The following PDE1C variants were observed in gnomAD, a reference collection of about 807,000 sequenced individuals.
PDE1C encodes dual specificity calcium/calmodulin-dependent 3',5'-cyclic nucleotide phosphodiesterase 1C.
A neutral mutation model predicts 93.1 loss-of-function variants in PDE1C; 62 were observed. That is an observed-to-expected ratio of 0.67 (90% CI 0.54 to 0.82). The LOEUF is 0.82. PDE1C is among the 40% of genes least tolerant of loss of function. PDE1C has a pLI of 0.00. For missense variants in PDE1C, 742 were observed against 884.6 expected (o/e 0.84, Z 2.04); for synonymous variants, 325 against 310.1 (o/e 1.05, Z -0.50).
chr7:32,056,499 T>A (rs1314667719), intron 1 of PDE1C, among the ~76,000 whole-genome samples: 1 of 152,044 alleles, frequency 6.6e-6, no homozygotes, highest in Non-Finnish European at 1.5e-5. Flanking sequence ...CTTCTCCAAC[T>A]TATTGTGTCC....
chr7:32,052,582 CT>C (rs1210745036), intron 1 of PDE1C, among the ~76,000 whole-genome samples: 2 of 152,154 alleles, frequency 1.3e-5, no homozygotes, highest in East Asian at 3.9e-4. Flanking sequence ...CCCAGTTGAC[CT>C]TAGTTCCACA....
At chr7:31,808,116 C>A in intron 16 of PDE1C, 1 of 414,172 alleles carries the variant, frequency 2.4e-6, no homozygotes, top group Non-Finnish European at 4.6e-6. Context: ...AATAGATGTG[C>A]AAAGAATTAC....
the PDE1C span, among the ~76,000 whole-genome samples, chr7:31,659,642 G>T: frequency 6.6e-6 from 1 of 152,112 alleles, no homozygotes; most frequent in South Asian, 2.1e-4. Flanking sequence ...CATACATTTT[G>T]CTTTCTCTGA....
chr7:32,036,833 G>GC (rs1791162971), intron 2 of PDE1C, among the ~76,000 whole-genome samples: 1 of 152,170 alleles, frequency 6.6e-6, no homozygotes, highest in African/African-American at 2.4e-5. Context: ...GGCAGCATCA[G>GC]CAACACCTGC....
chr7:32,204,051 T>G (rs1365317192), intron 2 of PDE1C, among the ~76,000 whole-genome samples: 1 of 152,170 alleles, frequency 6.6e-6, no homozygotes, highest in East Asian at 1.9e-4. Flanking sequence ...CACTTAGAAA[T>G]TGCACTTAGG....
chr7:31,918,784 G>T (rs779262938), intron 2 of PDE1C, among the ~76,000 whole-genome samples: 25 of 152,108 alleles, frequency 1.6e-4, no homozygotes, highest in Non-Finnish European at 3.4e-4. Flanking sequence ...CACATAAAAC[G>T]GTTTCATGAA....
At chr7:32,236,985 A>G (rs61354045) in intron 1 of PDE1C, among the ~76,000 whole-genome samples, 6,748 of 152,168 alleles carry the variant, frequency 0.044, 304 homozygotes, top group South Asian at 0.18. Flanking sequence ...CTACTGATAC[A>G]TGCAACATCT....
chr7:31,856,620 C>T (rs1240678162), intron 7 of PDE1C, among the ~76,000 whole-genome samples: 1 of 151,450 alleles, frequency 6.6e-6, no homozygotes, highest in Non-Finnish European at 1.5e-5. Context: ...CCATTTTCAT[C>T]CTCATCACAA....
At chr7:32,204,505 T>C (rs1292091695) in intron 2 of PDE1C, among the ~76,000 whole-genome samples, 1 of 152,190 alleles carries the variant, frequency 6.6e-6, no homozygotes, top group Admixed American at 6.5e-5. Context: ...CCTGGACTCC[T>C]GACAGAAGCT....
chr7:32,265,432 G>C (rs28631129), intron 1 of PDE1C, among the ~76,000 whole-genome samples: 17,821 of 152,178 alleles, frequency 0.12, 1,197 homozygotes, highest in African/African-American at 0.16. Context: ...TGGAATAACA[G>C]GAAGAGAAAA....
intron 2 of PDE1C, among the ~76,000 whole-genome samples, chr7:32,186,134 C>G (rs1240259526): frequency 7.2e-6 from 1 of 139,516 alleles, no homozygotes; most frequent in African/African-American, 2.7e-5. Context: ...CTCGCTCTGT[C>G]GCCCAGGCCC....
intron 1 of PDE1C, among the ~76,000 whole-genome samples, chr7:32,294,957 C>T (rs1812541951): frequency 2.0e-5 from 3 of 152,222 alleles, no homozygotes; most frequent in South Asian, 2.1e-4. Context: ...CTGAATGTGA[C>T]ATGTGTTCAA....
At chr7:31,914,227 T>C (rs919080697) in intron 2 of PDE1C, among the ~76,000 whole-genome samples, 14 of 152,216 alleles carry the variant, frequency 9.2e-5, no homozygotes, top group Non-Finnish European at 2.1e-4. Flanking sequence ...AAGTCCAAGA[T>C]CTTAATTAAA....
intron 1 of PDE1C, among the ~76,000 whole-genome samples, chr7:32,410,903 T>C (rs1222697234): frequency 6.6e-6 from 1 of 152,174 alleles, no homozygotes. Flanking sequence ...CCTTGTAGGT[T>C]CCCTTAACCC....
intron 2 of PDE1C, among the ~76,000 whole-genome samples, chr7:31,942,448 A>T (rs1409037945): frequency 6.6e-6 from 1 of 152,098 alleles, no homozygotes. Flanking sequence ...ACCTGGCAGG[A>T]TGTTGTTGAA....
In PDE1C at chr7:32,345,988, A is replaced by T. The variant is rs567911016; in HGVS notation, c.310+81834T>A. Among the ~76,000 whole-genome samples, 26 of 152,370 alleles carry T rather than the reference A, an allele frequency of 1.7e-4. No individual in the cohort carries two copies. In the East Asian group the frequency reaches 5.0e-3, roughly 29 times the overall value. On this transcript the variant is annotated intron_variant, in intron 1 of 1. Coordinates refer to the PDE1C transcript ENST00000672256. Reference sequence around the variant, plus strand: ...CTTGTGGCCAGGCAATTACATTCCCAAGTATCCCAAGAGAAATAAAAACTT... The same window carrying T: ...CTTGTGGCCAGGCAATTACATTCCCTAGTATCCCAAGAGAAATAAAAACTT...
chr7:31,961,783 A>G (rs1019017935), intron 2 of PDE1C, among the ~76,000 whole-genome samples: 1 of 152,168 alleles, frequency 6.6e-6, no homozygotes, highest in African/African-American at 2.4e-5. Context: ...AACACATATC[A>G]TTTCACCCAA....
chr7:32,312,890 C>T (rs1388502847), intron 1 of PDE1C, among the ~76,000 whole-genome samples: 2 of 152,210 alleles, frequency 1.3e-5, no homozygotes, highest in African/African-American at 4.8e-5. Flanking sequence ...CAACAAAAGC[C>T]AAAATTGACA....
At chr7:32,129,895 T>C (rs549063810) in intron 3 of PDE1C, among the ~76,000 whole-genome samples, 4 of 152,240 alleles carry the variant, frequency 2.6e-5, no homozygotes, top group Non-Finnish European at 4.4e-5. Context: ...ATTGTTCCAA[T>C]ATAATTAGTC....
Sources: gnomAD v4.1 joint callset for allele counts (sites outside exome capture counted in the v4.1 genomes callset) on GRCh38, gnomAD v4.1.1 for gene constraint, MANE v1.5 for transcripts, NCBI Gene and HGNC (gene_info 2026-07-23, HGNC 2026-07-21) for gene names.